Variants in PCNX2 observed in about 807,000 individuals in gnomAD.
PCNX2 encodes pecanex-like protein 2.
A neutral mutation model predicts 223.8 loss-of-function variants in PCNX2; 168 were observed. The observed-to-expected ratio is 0.75, with a 90% confidence interval of 0.66 to 0.85. The LOEUF is 0.85. Ranked by LOEUF, PCNX2 falls within the 40% of genes least tolerant of loss-of-function variation. The pLI is 0.00. For missense variants in PCNX2, 2,507 were observed against 2,675.5 expected, an observed-to-expected ratio of 0.94 and a Z score of 1.39; for synonymous variants, 1,006 against 1,052.6, an observed-to-expected ratio of 0.96 and a Z score of 0.86.
chr1:233,198,132 G>A (rs1225905741), intron 15 of PCNX2, among the ~76,000 whole-genome samples: 1 of 152,086 alleles, frequency 6.6e-6, no homozygotes, highest in Non-Finnish European at 1.5e-5. Flanking sequence ...CTTCCTGAAG[G>A]CAATGACTCA....
chr1:233,124,468 G>C (rs1231639506), intron 21 of PCNX2, among the ~76,000 whole-genome samples: 1 of 152,136 alleles, frequency 6.6e-6, no homozygotes, highest in Non-Finnish European at 1.5e-5. Context: ...TCACCAAAAA[G>C]ATAATGTAGG....
intron 1 of PCNX2, chr1:233,290,664 C>T: frequency 2.4e-6 from 2 of 847,332 alleles, no homozygotes; most frequent in Non-Finnish European, 2.8e-6. Context: ...TACTATTTGC[C>T]TAGTGCTATG....
chr1:233,049,870 C>G (rs1671940157), intron 25 of PCNX2, among the ~76,000 whole-genome samples: 1 of 152,012 alleles, frequency 6.6e-6, no homozygotes, highest in African/African-American at 2.4e-5. Context: ...TAGACACACA[C>G]ACACACACAC....
chr1:233,030,291 A>G (rs1407399486), intron 25 of PCNX2, among the ~76,000 whole-genome samples: 1 of 151,916 alleles, frequency 6.6e-6, no homozygotes, highest in African/African-American at 2.4e-5. Flanking sequence ...TTTCCTCTCT[A>G]TTAATATTCT....
chr1:233,271,219 C>T (rs1192247453), intron 1 of PCNX2, among the ~76,000 whole-genome samples: 1 of 152,166 alleles, frequency 6.6e-6, no homozygotes, highest in Non-Finnish European at 1.5e-5. Context: ...AAATCCATGT[C>T]ACATGTCTCC....
intron 19 of PCNX2, among the ~76,000 whole-genome samples, chr1:233,146,755 G>T (rs1002474744): frequency 6.6e-6 from 1 of 152,172 alleles, no homozygotes; most frequent in Admixed American, 6.5e-5. Flanking sequence ...GAGTGGCTGG[G>T]TCATCACTGT....
intron 9 of PCNX2, among the ~76,000 whole-genome samples, chr1:233,235,027 G>A (rs1658302568): frequency 1.3e-5 from 2 of 151,940 alleles, no homozygotes; most frequent in Non-Finnish European, 2.9e-5. Flanking sequence ...AAACCAGGCA[G>A]GTACAACACA....
chr1:233,143,147 C>T (rs539609293), intron 19 of PCNX2, among the ~76,000 whole-genome samples: 13 of 152,170 alleles, frequency 8.5e-5, no homozygotes, highest in Non-Finnish European at 1.6e-4. Flanking sequence ...ATGTCACAAA[C>T]GTAATGCTGT....
the PCNX2 span, among the ~76,000 whole-genome samples, chr1:233,308,195 G>A: frequency 7.2e-5 from 11 of 152,140 alleles, no homozygotes; most frequent in African/African-American, 2.4e-4. Context: ...AGTGGCTCAC[G>A]CCTGTAATCC....
chr1:233,260,623 G>A lies in PCNX2; in HGVS notation c.517+662C>T, dbSNP rs577223786. On this transcript the variant is annotated intron_variant, in intron 4 of 33. Coordinates refer to ENST00000258229, the MANE Select transcript of PCNX2 (RefSeq NM_014801.4). ...AGAAACTTCATTTTAGGGGTTCAGG[G>A]CTATGGTGCTAATTTCAGCTATTTT... is the stretch of plus-strand genomic sequence containing the variant. Among the ~76,000 whole-genome samples the A allele has an allele frequency of 3.7e-4, 57 of 152,186 alleles. 1 individual carries two copies. The highest frequency in any genetic ancestry group is 1.3e-3 in the African/African-American group (55 of 41,542).
chr1:233,112,906 C>A (rs1017349445), intron 21 of PCNX2: 6 of 1,289,180 alleles, frequency 4.7e-6, no homozygotes, highest in Non-Finnish European at 6.1e-6. Context: ...ATGAGATGAA[C>A]TGCAGTAACT....
chr1:233,232,322 T>TTG (rs1181096251), intron 9 of PCNX2, among the ~76,000 whole-genome samples: 1 of 152,200 alleles, frequency 6.6e-6, no homozygotes, highest in African/African-American at 2.4e-5. Flanking sequence ...GGCTTTGTAT[T>TTG]TGATGATTTT....
intron 13 of PCNX2, among the ~76,000 whole-genome samples, chr1:233,206,259 C>T (rs565084071): frequency 2.6e-5 from 4 of 152,200 alleles, no homozygotes; most frequent in South Asian, 2.1e-4. Context: ...CATAGACAAT[C>T]GTTTCTTGGA....
chr1:233,181,958 GT>G (rs1332097972), intron 15 of PCNX2, among the ~76,000 whole-genome samples: 2 of 152,052 alleles, frequency 1.3e-5, no homozygotes. Context: ...TTTTATTTCA[GT>G]GCCATCTCAG....
intron 23 of PCNX2, among the ~76,000 whole-genome samples, chr1:233,066,825 T>C (rs964005653): frequency 6.6e-6 from 1 of 152,156 alleles, no homozygotes; most frequent in African/African-American, 2.4e-5. Flanking sequence ...CCTGTTGAGA[T>C]GGTGCCAAAA....
At chr1:233,298,176 G>A (rs1010041210), upstream of PCNX2, among the ~76,000 whole-genome samples, 2 of 151,990 alleles carry the variant, frequency 1.3e-5, no homozygotes, top group South Asian at 4.2e-4. Context: ...AAGCCAAGAG[G>A]GCTGTGAATT....
At chr1:233,112,709 T>TGGACGC in intron 21 of PCNX2, 3 of 567,774 alleles carry the variant, frequency 5.3e-6, no homozygotes, top group South Asian at 4.2e-5. Flanking sequence ...GTGTAGATCT[T>TGGACGC]TGAACAATAT....
At chr1:233,111,206 G>T (rs887553753) in intron 21 of PCNX2, among the ~76,000 whole-genome samples, 25 of 152,116 alleles carry the variant, frequency 1.6e-4, no homozygotes, top group African/African-American at 5.3e-4. Context: ...CTTATTAGTT[G>T]TGAGATGGGT....
intron 28 of PCNX2, among the ~76,000 whole-genome samples, chr1:233,009,827 C>T (rs1329633995): frequency 6.6e-6 from 1 of 152,134 alleles, no homozygotes; most frequent in Non-Finnish European, 1.5e-5. Flanking sequence ...GATGGCAAGA[C>T]ATTTCAGAGA....
Sources: allele counts gnomAD v4.1 joint callset (sites outside exome capture counted in the v4.1 genomes callset), GRCh38; gene constraint gnomAD v4.1.1; transcripts MANE v1.5; gene names NCBI Gene and HGNC (gene_info 2026-07-23, HGNC 2026-07-21).